The following FBXO11 variants were observed in gnomAD, a reference collection of about 807,000 sequenced individuals.
FBXO11 encodes the protein F-box protein 11.
FBXO11 carries 13 observed loss-of-function variants against 117.0 expected under a neutral mutation model. The observed-to-expected ratio is 0.11, with a 90% CI of 0.07 to 0.18. The LOEUF (loss-of-function observed/expected upper bound fraction) is 0.18. FBXO11 is among the 10% of genes least tolerant of loss of function. The pLI, the probability that FBXO11 is intolerant of heterozygous loss-of-function variation, is 1.00. For synonymous variants in FBXO11, 490 were observed against 380.5 expected (o/e 1.29, Z -3.35); for missense variants, 767 against 1,164.4 (o/e 0.66, Z 4.97).
intron 1 of FBXO11, among the ~76,000 whole-genome samples, chr2:47,892,552 C>T (rs1677333154): frequency 6.6e-6 from 1 of 152,222 alleles, no homozygotes; most frequent in South Asian, 2.1e-4. Context: ...CAGGTTTCCT[C>T]TGACATGCTG....
At chr2:47,847,883 G>C (rs1246065277) in intron 1 of FBXO11, among the ~76,000 whole-genome samples, 1 of 152,054 alleles carries the variant, frequency 6.6e-6, no homozygotes, top group Non-Finnish European at 1.5e-5. Context: ...CCAGCACTTT[G>C]GGAGGCTGAG....
intron 1 of FBXO11, among the ~76,000 whole-genome samples, chr2:47,854,790 G>C (rs1272292904): frequency 6.6e-6 from 1 of 151,716 alleles, no homozygotes; most frequent in African/African-American, 2.4e-5. Context: ...CACGCTTTGA[G>C]AACCATGGGA....
chr2:47,895,774 C>A (rs561970847), intron 1 of FBXO11, among the ~76,000 whole-genome samples: 7 of 152,236 alleles, frequency 4.6e-5, no homozygotes, highest in African/African-American at 1.7e-4. Context: ...CTCACTGCAA[C>A]CTCTGCCTTC....
intron 1 of FBXO11, among the ~76,000 whole-genome samples, chr2:47,893,234 T>C (rs1479144829): frequency 6.6e-6 from 1 of 152,128 alleles, no homozygotes; most frequent in Non-Finnish European, 1.5e-5. Flanking sequence ...GCCTTTATCT[T>C]ATTAACATTT....
rs1572943522 is a variant in FBXO11, at chr2:47,905,605, T to G, written c.116A>C (p.Gln39Pro). The change falls in exon 1 of 23, where the codon CAG (glutamine) becomes CCG (proline). Residue 39 changes from glutamine (Q) to proline (P), a missense_variant. Gln to Pro is a moderately conservative substitution (Grantham distance 76). Coordinates refer to ENST00000403359, the MANE Select transcript of FBXO11 (RefSeq NM_001190274.2). ...QQPPPQPPQQ[Q>P]PPQQQPPPPP... is the part of the protein sequence containing the mutation. ...CGGCGGAGGCTGCTGCTGGGGCGGCTGCTGCTGGGGCGGCTGCGGCGGCGG... is the reference window on the plus strand; with the variant it reads ...CGGCGGAGGCTGCTGCTGGGGCGGCGGCTGCTGGGGCGGCTGCGGCGGCGG... 4 of 1,313,336 alleles carry G rather than the reference T, an allele frequency of 3.0e-6. No homozygotes were observed. The East Asian group carries it at 9.3e-5, about 31-fold the overall frequency. The allele number at this position is 1,313,336 out of a possible 1,614,324, so 81.4% of individuals were successfully genotyped here.
At chr2:47,835,694 C>T (rs1003301668) in intron 5 of FBXO11, among the ~76,000 whole-genome samples, 178 bp downstream of exon 5, 8 of 152,138 alleles carry the variant, frequency 5.3e-5, no homozygotes, top group Non-Finnish European at 7.4e-5. Flanking sequence ...GATGGAGTTT[C>T]GCCATGTTGG....
intron 1 of FBXO11, 116 bp downstream of exon 1, chr2:47,905,373 G>T: frequency 9.8e-7 from 1 of 1,019,734 alleles, no homozygotes; most frequent in Non-Finnish European, 1.2e-6. Context: ...CTCAGCTTGG[G>T]TCTCCCACCC....
At chr2:47,878,759 C>G (rs1189882949) in intron 1 of FBXO11, among the ~76,000 whole-genome samples, 1 of 151,708 alleles carries the variant, frequency 6.6e-6, no homozygotes, top group Non-Finnish European at 1.5e-5. Flanking sequence ...AGGCAGATCA[C>G]CTGAGGTCAG....
intron 11 of FBXO11, among the ~76,000 whole-genome samples, chr2:47,831,032 C>G (rs1672142246): frequency 6.6e-6 from 1 of 151,854 alleles, no homozygotes; most frequent in Non-Finnish European, 1.5e-5. Flanking sequence ...CTCCTGAGCC[C>G]AAGCGATCCA....
chr2:47,905,753 G>T lies in FBXO11; in HGVS notation c.-33C>A. The T allele has an allele frequency of 7.4e-7, 1 of 1,356,054 alleles. No individual in the cohort carries two copies. The highest frequency in any genetic ancestry group is 9.7e-7 in the Non-Finnish European group (1 of 1,033,766). 84.0% of individuals were successfully genotyped at this position (1,356,054 alleles called of 1,614,324 possible). On this transcript the variant is annotated 5_prime_UTR_variant, in exon 1 of 23. Coordinates refer to ENST00000403359, the MANE Select transcript of FBXO11 (RefSeq NM_001190274.2). ...GCTGAGGTGGCGGCGTTGGCGGAGG[G>T]ACACACACACGCACACGCACAGCGA...
At chr2:47,819,526 A>ATG (rs1671234236) in intron 14 of FBXO11, among the ~76,000 whole-genome samples, 1 of 152,012 alleles carries the variant, frequency 6.6e-6, no homozygotes. Context: ...CATTCTTTTT[A>ATG]TGTAGCCTCT....
rs564278149 is a variant in FBXO11, at chr2:47,895,693, ATGT to A, written c.232+9793_232+9795del. Among the ~76,000 whole-genome samples, 89 of 152,206 alleles carry A rather than the reference ATGT, an allele frequency of 5.8e-4. No homozygotes were observed. In the East Asian group the frequency reaches 0.014, roughly 23 times the overall value. ...CACAATTTAAATAACTATATAGTTTATGTTGTTGTTTTTTTTTGAGACAGAATT... is the reference window on the plus strand; with the variant it reads ...CACAATTTAAATAACTATATAGTTTATGTTGTTTTTTTTTGAGACAGAATT... On this transcript the variant is annotated intron_variant, in intron 1 of 22. Coordinates refer to ENST00000403359, the MANE Select transcript of FBXO11 (RefSeq NM_001190274.2).
intron 4 of FBXO11, 89 bp downstream of exon 4, chr2:47,838,770 A>C (rs1382758837): frequency 8.1e-7 from 1 of 1,236,662 alleles, no homozygotes; most frequent in Non-Finnish European, 1.1e-6. Context: ...TGTAACTACC[A>C]ACTCACCGCA....
chr2:47,901,879 C>T (rs1056102165), intron 1 of FBXO11, among the ~76,000 whole-genome samples: 2 of 152,166 alleles, frequency 1.3e-5, no homozygotes, highest in African/African-American at 2.4e-5. Context: ...AAATCCAATC[C>T]CACACTACTG....
At chr2:47,809,097 G>A (rs1670435525) in intron 21 of FBXO11, 61 bp downstream of exon 21, 33 of 1,076,896 alleles carry the variant, frequency 3.1e-5, no homozygotes, top group Non-Finnish European at 4.4e-5. Context: ...GCTAGGCATT[G>A]CTAATTTAAA....
chr2:47,809,712 A>G lies in FBXO11; in HGVS notation c.2339-5T>C. On this transcript the variant is annotated splice_polypyrimidine_tract_variant and splice_region_variant and intron_variant, in intron 19 of 22. Coordinates refer to ENST00000403359, the MANE Select transcript of FBXO11 (RefSeq NM_001190274.2). ...CGTGATTTGTAATTTCAATACCTGAAGTAAAATTTACAAACAAGTAGATAC... is the reference window on the plus strand; with the variant it reads ...CGTGATTTGTAATTTCAATACCTGAGGTAAAATTTACAAACAAGTAGATAC... 1 of 1,598,268 alleles carries G rather than the reference A, an allele frequency of 6.3e-7. No individual in the cohort carries two copies. The highest frequency in any genetic ancestry group is 8.6e-7 in the Non-Finnish European group (1 of 1,166,638).
At position 47,835,811 on chromosome 2, in the gene FBXO11, TAAAAG is replaced by T. The variant is rs1403729578; in HGVS notation, c.717+56_717+60del. The T allele has an allele frequency of 3.6e-6, 5 of 1,372,356 alleles. No homozygotes were observed. The South Asian group carries it at 5.6e-5, about 15-fold the overall frequency. The allele number at this position is 1,372,356 out of a possible 1,614,324, so 85.0% of individuals were successfully genotyped here. On this transcript the variant is annotated intron_variant, in intron 5 of 22. Transcript: ENST00000403359. ...CCACGCCCAGCCTAAACTTATTTCT[TAAAAG>T]AAAGTTATTTACAAATGTATAATAT...
chr2:47,886,004 C>T (rs1676809597), intron 1 of FBXO11, among the ~76,000 whole-genome samples: 1 of 152,204 alleles, frequency 6.6e-6, no homozygotes, highest in African/African-American at 2.4e-5. Context: ...TCATTCAATA[C>T]TTAACCTCAT....
chr2:47,897,358 T>C (rs1334838641), intron 1 of FBXO11, among the ~76,000 whole-genome samples: 2 of 152,156 alleles, frequency 1.3e-5, no homozygotes, highest in South Asian at 2.1e-4. Flanking sequence ...CAGACACCAA[T>C]ATCAAAGGTT....
Sources: allele counts gnomAD v4.1 joint callset (sites outside exome capture counted in the v4.1 genomes callset), GRCh38; gene constraint gnomAD v4.1.1; transcripts MANE v1.5; gene names NCBI Gene and HGNC (gene_info 2026-07-23, HGNC 2026-07-21).